The following DPP10 variants were observed in gnomAD, a reference collection of about 807,000 sequenced individuals.
DPP10 encodes the protein inactive dipeptidyl peptidase 10.
A neutral mutation model predicts 120.9 loss-of-function variants in DPP10; 33 were observed. That is an observed-to-expected ratio of 0.27 (90% CI 0.21 to 0.37). DPP10 has a LOEUF of 0.37. Ranked by LOEUF, DPP10 falls within the 10% of genes least tolerant of loss-of-function variation. DPP10 has a pLI of 1.00. For missense variants in DPP10, 816 were observed against 942.8 expected (o/e 0.87, Z 1.76); for synonymous variants, 337 against 326.1 (o/e 1.03, Z -0.36).
At chr2:115,628,595 G>T (rs989034196) in intron 5 of DPP10, among the ~76,000 whole-genome samples, 16 of 152,010 alleles carry the variant, frequency 1.1e-4, no homozygotes, top group African/African-American at 3.9e-4. Flanking sequence ...TTTTGCCTAT[G>T]CCTATGTACT....
At chr2:115,192,898 TTAAA>T (rs1268991136) in intron 1 of DPP10, among the ~76,000 whole-genome samples, 1 of 151,582 alleles carries the variant, frequency 6.6e-6, no homozygotes, top group Non-Finnish European at 1.5e-5. Context: ...TTTTAATTAA[TTAAA>T]TAAATTAAAT....
rs928352024 is a variant in DPP10, at chr2:115,843,585, A to T, written c.*1240A>T. ...TATTCATTGGCCAAAAAGTTCACAG[A>T]CAGCAGTGTTTGCTATTTACTTTGA... On this transcript the variant is annotated 3_prime_UTR_variant, in exon 26 of 26. Transcript: ENST00000410059. 2.0e-5 allele frequency: 3 copies of T among 152,176 alleles called. No individual in the cohort carries two copies. In the South Asian group the frequency reaches 6.2e-4, roughly 31 times the overall value. The allele number at this position is 152,176 out of a possible 1,614,324, so 9.4% of individuals were successfully genotyped here. A position where few individuals can be genotyped will look rare whatever the true frequency, so the allele number is the denominator to read the frequency against.
chr2:115,374,658 G>A (rs951441486), intron 3 of DPP10, among the ~76,000 whole-genome samples: 3 of 152,316 alleles, frequency 2.0e-5, no homozygotes, highest in East Asian at 3.9e-4. Flanking sequence ...ACATCCAGGC[G>A]TTTCCATATG....
At chr2:115,377,971 T>G (rs1301772215) in intron 3 of DPP10, among the ~76,000 whole-genome samples, 1 of 151,956 alleles carries the variant, frequency 6.6e-6, no homozygotes, top group African/African-American at 2.4e-5. Context: ...TAGTATAGTT[T>G]GAAGTCAGGT....
intron 1 of DPP10, among the ~76,000 whole-genome samples, chr2:114,641,335 T>G (rs1695691593): frequency 1.3e-5 from 2 of 151,962 alleles, no homozygotes; most frequent in Admixed American, 1.3e-4. Context: ...TTGCTTTCCA[T>G]ATTCGTGGCT....
chr2:115,520,328 A>G (rs1213531752), intron 4 of DPP10, among the ~76,000 whole-genome samples: 2 of 152,110 alleles, frequency 1.3e-5, no homozygotes, highest in Non-Finnish European at 2.9e-5. Flanking sequence ...AAAACAAAAC[A>G]AAACAAAACA....
chr2:115,656,151 C>T (rs1340474916), intron 5 of DPP10, among the ~76,000 whole-genome samples: 3 of 151,130 alleles, frequency 2.0e-5, no homozygotes. Flanking sequence ...CACACACACA[C>T]ACACACACAC....
chr2:115,202,715 G>C (rs2055826102), intron 1 of DPP10, among the ~76,000 whole-genome samples: 1 of 152,156 alleles, frequency 6.6e-6, no homozygotes, highest in African/African-American at 2.4e-5. Flanking sequence ...TTTTATTTCT[G>C]TTTAATATGG....
intron 1 of DPP10, among the ~76,000 whole-genome samples, chr2:115,235,760 C>T (rs1233454131): frequency 2.0e-5 from 3 of 152,124 alleles, no homozygotes; most frequent in African/African-American, 7.2e-5. Context: ...GGGATTTCAC[C>T]ATGTTAGCCA....
chr2:114,449,372 G>T (rs1053498008), intron 1 of DPP10, among the ~76,000 whole-genome samples: 1 of 151,896 alleles, frequency 6.6e-6, no homozygotes, highest in African/African-American at 2.4e-5. Context: ...TACATTAGCA[G>T]AACAAGATTT....
intron 1 of DPP10, among the ~76,000 whole-genome samples, chr2:114,946,351 A>G (rs1697346498): frequency 6.6e-6 from 1 of 152,160 alleles, no homozygotes; most frequent in Admixed American, 6.5e-5. Flanking sequence ...TTTTTAAAGG[A>G]GGATCTAATG....
intron 1 of DPP10, among the ~76,000 whole-genome samples, chr2:115,077,316 A>T: frequency 6.6e-6 from 1 of 152,326 alleles, no homozygotes; most frequent in East Asian, 1.9e-4. Context: ...TTTAATAATT[A>T]AAAAGATAAA....
intron 10 of DPP10, among the ~76,000 whole-genome samples, chr2:115,752,025 G>T (rs1196766678): frequency 6.6e-6 from 1 of 152,100 alleles, no homozygotes; most frequent in Non-Finnish European, 1.5e-5. Context: ...GTCTCCATCT[G>T]CTGACGTCGT....
chr2:114,974,417 CT>C lies in DPP10; in HGVS notation c.61-334804del, dbSNP rs36001857. ...GGATATAGGCTAAATCCTTTTTATCCTTTTTTTTTTTTTTTTTTGAAGCAGA... is the reference window on the plus strand; with the variant it reads ...GGATATAGGCTAAATCCTTTTTATCCTTTTTTTTTTTTTTTTTGAAGCAGA... On this transcript the variant is annotated intron_variant, in intron 1 of 25. Coordinates refer to ENST00000410059, the MANE Select transcript of DPP10 (RefSeq NM_020868.6). 7.2e-3 allele frequency among the ~76,000 whole-genome samples: 946 copies of C among 131,556 alleles called. 7 individuals carry two copies. The highest frequency in any genetic ancestry group is 0.021 in the African/African-American group (755 of 35,262). The allele number at this position is 131,556 out of a possible 152,430, so 86.3% of individuals were successfully genotyped here.
chr2:115,685,672 T>C, intron 5 of DPP10, among the ~76,000 whole-genome samples: 1 of 152,084 alleles, frequency 6.6e-6, no homozygotes, highest in East Asian at 1.9e-4. Context: ...TAAAAAACTT[T>C]ATTATGATAA....
chr2:114,454,048 A>T (rs955519643), intron 1 of DPP10, among the ~76,000 whole-genome samples: 1 of 152,210 alleles, frequency 6.6e-6, no homozygotes, highest in African/African-American at 2.4e-5. Flanking sequence ...GAAAAGTGTC[A>T]TGACAATGGC....
intron 3 of DPP10, among the ~76,000 whole-genome samples, chr2:115,385,421 T>A (rs2066861109): frequency 6.6e-6 from 1 of 151,386 alleles, no homozygotes; most frequent in Non-Finnish European, 1.5e-5. Flanking sequence ...AGTGGCACAA[T>A]CTTGCCTCAC....
chr2:115,670,053 A>G (rs1374075029), intron 5 of DPP10, among the ~76,000 whole-genome samples: 1 of 152,094 alleles, frequency 6.6e-6, no homozygotes, highest in African/African-American at 2.4e-5. Context: ...AAGATCTGGT[A>G]TCTGGAGAGG....
chr2:114,814,298 G>A (rs1053817493), intron 1 of DPP10, among the ~76,000 whole-genome samples: 1 of 152,066 alleles, frequency 6.6e-6, no homozygotes, highest in Non-Finnish European at 1.5e-5. Context: ...AACTGTTGAT[G>A]TGTGGAGTGT....
Sources: gnomAD v4.1 joint callset for allele counts (sites outside exome capture counted in the v4.1 genomes callset) on GRCh38, gnomAD v4.1.1 for gene constraint, MANE v1.5 for transcripts, NCBI Gene and HGNC (gene_info 2026-07-23, HGNC 2026-07-21) for gene names.